The following NCKAP5L variants were observed in gnomAD, a reference collection of about 807,000 sequenced individuals.
NCKAP5L encodes the protein NCK associated protein 5 like.
NCKAP5L carries 54 observed loss-of-function variants against 103.2 expected under a neutral mutation model. The observed-to-expected ratio is 0.52, with a 90% CI of 0.42 to 0.66. The LOEUF (loss-of-function observed/expected upper bound fraction) is 0.66, where lower values mean the gene tolerates loss of function less well. Among genes scored for constraint, NCKAP5L ranks in the 30% least tolerant of loss-of-function variants. The pLI is 0.00. For synonymous variants in NCKAP5L, 762 were observed against 748.6 expected, an observed-to-expected ratio of 1.02 and a Z score of -0.29; for missense variants, 1,733 against 1,750.6, an observed-to-expected ratio of 0.99 and a Z score of 0.18.
chr12:49,817,411 A>G lies in NCKAP5L; in HGVS notation c.-99+10911T>C, dbSNP rs528396539. Among the ~76,000 whole-genome samples the G allele has an allele frequency of 1.6e-3, 240 of 152,332 alleles. 2 individuals carry two copies. The highest frequency in any genetic ancestry group is 5.5e-3 in the African/African-American group (227 of 41,582). Reference sequence around the variant, plus strand: ...TAGAGGTTAAAATCCTCTTATTTCTAGAATATAGGAATTGAACCTACCCCT... The same window carrying G: ...TAGAGGTTAAAATCCTCTTATTTCTGGAATATAGGAATTGAACCTACCCCT... On this transcript the variant is annotated intron_variant, in intron 1 of 12. Coordinates refer to ENST00000335999, the MANE Select transcript of NCKAP5L (RefSeq NM_001037806.4).
In NCKAP5L at chr12:49,795,036, C is replaced by G. The variant is rs375222883; in HGVS notation, c.2824G>C (p.Glu942Gln). 11 of 1,609,674 alleles carry G rather than the reference C, an allele frequency of 6.8e-6. No homozygotes were observed. In the African/African-American group the frequency reaches 1.5e-4, roughly 22 times the overall value. ...AGCGGGGAGCCCCCGCCAGCCCCCT[C>G]CTTGTTCTTGGTGGCCTCTGTGCGG... ...NRRTEATKNK[E>Q]GAGGGSPLRR... The change falls in exon 8 of 13, where the codon GAG (glutamate) becomes CAG (glutamine). Residue 942 changes from glutamate (E) to glutamine (Q), a missense_variant. Glu to Gln is a conservative substitution (Grantham distance 29, BLOSUM62 2). Transcript: ENST00000335999.
rs752259539 is a variant in NCKAP5L, at chr12:49,795,908, C to T, written c.1952G>A (p.Arg651Gln). The part of the protein sequence containing the change: ...SSKKPSQGSG[R>Q]RPGDPGSTPL... The stretch of plus-strand genomic sequence containing the variant: ...TGTGCTGCCAGGATCCCCAGGTCGC[C>T]GTCCTGACCCCTGGCTGGGCTTCTT... Residue 651 changes from arginine to glutamine, a missense_variant, in exon 8 of 13, where the codon CGG becomes CAG. By Grantham distance (43) the Arg-to-Gln change is conservative. Coordinates refer to ENST00000335999, the MANE Select transcript of NCKAP5L (RefSeq NM_001037806.4). 13 of 1,528,668 alleles carry T rather than the reference C, an allele frequency of 8.5e-6. 1 individual carries two copies. Among genetic ancestry groups the T allele is most frequent in the East Asian group, 6.9e-5 (3 of 43,290 alleles). 94.7% of individuals were successfully genotyped at this position (1,528,668 alleles called of 1,614,324 possible).
At position 49,796,793 on chromosome 12, in the gene NCKAP5L, C is replaced by G; in HGVS notation, c.1067G>C (p.Gly356Ala). 1 of 1,613,672 alleles carries G rather than the reference C, an allele frequency of 6.2e-7. No individual in the cohort carries two copies. The highest frequency in any genetic ancestry group is 8.5e-7 in the Non-Finnish European group (1 of 1,179,836). The change falls in exon 8 of 13, where the codon GGT (glycine) becomes GCT (alanine). Residue 356 changes from glycine (G) to alanine (A), a missense_variant. Coordinates refer to ENST00000335999, the MANE Select transcript of NCKAP5L (RefSeq NM_001037806.4). ...GTCTGGGGAGGATGACTGCCCAGGA[C>G]CTGGGTGGTCCCCATTGAGTGGGCC... ...AAGPLNGDHP[G>A]PGQSSSPDQA...
chr12:49,801,685 G>A (rs73309064), intron 6 of NCKAP5L, among the ~76,000 whole-genome samples, 163 bp downstream of exon 6: 2 of 152,078 alleles, frequency 1.3e-5, no homozygotes, highest in Non-Finnish European at 1.5e-5. Context: ...AGGAGGGAAC[G>A]GCCAAACCCA....
chr12:49,817,336 T>C (rs544342949), intron 1 of NCKAP5L, among the ~76,000 whole-genome samples: 1 of 152,020 alleles, frequency 6.6e-6, no homozygotes, highest in Non-Finnish European at 1.5e-5. Flanking sequence ...AGACCCCAAA[T>C]AGCCAAAGCA....
chr12:49,795,620 G>A lies in NCKAP5L; in HGVS notation c.2240C>T (p.Pro747Leu), dbSNP rs752031136. The change falls in exon 8 of 13, where the codon CCC (proline) becomes CTC (leucine). Residue 747 changes from proline to leucine, a missense_variant. Transcript: ENST00000335999. ...GTGAGAGGAGTAGACTCGGGCCCCGGGATCCCCCATAAGTCCAGGTTCCTG... is the reference window on the plus strand; with the variant it reads ...GTGAGAGGAGTAGACTCGGGCCCCGAGATCCCCCATAAGTCCAGGTTCCTG... ...KQQEPGLMGD[P>L]GARVYSSHSM... 1.9e-6 allele frequency: 3 copies of A among 1,603,712 alleles called. No homozygotes were observed. The highest frequency in any genetic ancestry group is 3.4e-5 in the Admixed American group (2 of 58,288).
rs747816564 is a variant in NCKAP5L, at chr12:49,795,721, G to A, written c.2139C>T (p.His713=). 3.1e-6 allele frequency: 5 copies of A among 1,608,090 alleles called. No individual in the cohort carries two copies. In the Admixed American group the frequency reaches 6.8e-5, roughly 22 times the overall value. ...ESAGDMVPSI[H]RPLEQLEAKG... is the part of the protein sequence containing the mutation. ...TGGCTTCTAGCTGCTCCAGTGGCCTGTGGATGGAGGGCACCATGTCTCCAG... is the reference window on the plus strand; with the variant it reads ...TGGCTTCTAGCTGCTCCAGTGGCCTATGGATGGAGGGCACCATGTCTCCAG... Residue 713 remains histidine, a synonymous_variant, in exon 8 of 13, where the codon CAC becomes CAT. Transcript: ENST00000335999.
intron 1 of NCKAP5L, among the ~76,000 whole-genome samples, chr12:49,807,798 C>T (rs1330373704): frequency 2.6e-5 from 4 of 152,186 alleles, no homozygotes; most frequent in Admixed American, 2.0e-4. Context: ...ACCTGCCCAT[C>T]GGTCCCCAGC....
chr12:49,795,587 C>T lies in NCKAP5L; in HGVS notation c.2273G>A (p.Gly758Glu). Residue 758 changes from glycine to glutamate, a missense_variant, in exon 8 of 13, where the codon GGG (glycine) becomes GAG (glutamate). By Grantham distance (98) the Gly-to-Glu change is moderately conservative. Transcript: ENST00000335999. Reference protein sequence around the residue: ...GARVYSSHSMGARVDLEPVSP... With the variant: ...GARVYSSHSMEARVDLEPVSP... ...GACAGGCTCCAGGTCCACCCGGGCC[C>T]CCATGGAGTGAGAGGAGTAGACTCG... 2.5e-6 allele frequency: 4 copies of T among 1,569,192 alleles called. No homozygotes were observed. Among genetic ancestry groups the T allele is most frequent in the Non-Finnish European group, 2.6e-6 (3 of 1,159,254 alleles).
At chr12:49,803,523 G>A (rs1172630383) in intron 3 of NCKAP5L, among the ~76,000 whole-genome samples, 4 of 152,124 alleles carry the variant, frequency 2.6e-5, no homozygotes, top group African/African-American at 9.7e-5. Context: ...TGTTAAGAAT[G>A]TGGTGAGGGG....
intron 1 of NCKAP5L, among the ~76,000 whole-genome samples, chr12:49,820,312 CCTT>C (rs1946346816): frequency 6.9e-6 from 1 of 145,494 alleles, no homozygotes; most frequent in Admixed American, 6.8e-5. Flanking sequence ...TATCTCCTGG[CCTT>C]TTTTTTTTTT....
At position 49,792,666 on chromosome 12, in the gene NCKAP5L, C is replaced by A. The variant is rs780358698; in HGVS notation, c.3649+12G>T. On this transcript the variant is annotated intron_variant, in intron 11 of 12. Coordinates refer to ENST00000335999, the MANE Select transcript of NCKAP5L (RefSeq NM_001037806.4). This position sits in a 1 kb window ranked among gnomAD's most constrained non-coding sequence, Gnocchi z 4.5. ...GCCCAGGGGCATCCCACCCTCCCAC[C>A]TGGACACTCACCATCAGGACAGGTC... 6.2e-7 allele frequency: 1 copy of A among 1,613,052 alleles called. No homozygotes were observed. Among genetic ancestry groups the A allele is most frequent in the East Asian group, 2.2e-5 (1 of 44,828 alleles).
intron 1 of NCKAP5L, among the ~76,000 whole-genome samples, chr12:49,818,511 C>T (rs1762698623): frequency 6.6e-6 from 1 of 152,136 alleles, no homozygotes; most frequent in South Asian, 2.1e-4. Flanking sequence ...GCATGCATCA[C>T]CACGCCCAAC....
chr12:49,827,912 C>G (rs1260356761), intron 1 of NCKAP5L, among the ~76,000 whole-genome samples: 5 of 152,244 alleles, frequency 3.3e-5, no homozygotes, highest in African/African-American at 4.8e-5. Flanking sequence ...CCCGCAATAA[C>G]CCGGCACCGC....
In NCKAP5L at chr12:49,796,048, G is replaced by A. The variant is rs763483000; in HGVS notation, c.1812C>T (p.Pro604=). Residue 604 remains proline, a synonymous_variant, in exon 8 of 13, where the codon CCC becomes CCT. Coordinates refer to ENST00000335999, the MANE Select transcript of NCKAP5L (RefSeq NM_001037806.4). ...APEVLRSPGV[P]PSPCLPESYP... is the part of the protein sequence containing the mutation. ...ACGATTCTGGGAGGCAAGGACTGGGGGGTACTCCAGGGCTTCTGAGGACCT... is the reference window on the plus strand; with the variant it reads ...ACGATTCTGGGAGGCAAGGACTGGGAGGTACTCCAGGGCTTCTGAGGACCT... 14 of 1,570,228 alleles carry A rather than the reference G, an allele frequency of 8.9e-6. No homozygotes were observed. The highest frequency in any genetic ancestry group is 1.4e-5 in the African/African-American group (1 of 73,364).
chr12:49,818,694 T>G (rs1274478031), intron 1 of NCKAP5L, among the ~76,000 whole-genome samples: 1 of 151,988 alleles, frequency 6.6e-6, no homozygotes, highest in Non-Finnish European at 1.5e-5. Flanking sequence ...AAATGGCCAG[T>G]GGGTATACGA....
intron 1 of NCKAP5L, among the ~76,000 whole-genome samples, chr12:49,813,586 G>C (rs1946264228): frequency 6.6e-6 from 1 of 152,074 alleles, no homozygotes; most frequent in Non-Finnish European, 1.5e-5. Flanking sequence ...GAAGTGCAGT[G>C]GCGCGATTTC....
chr12:49,792,792 C>T lies in NCKAP5L; in HGVS notation c.3535G>A (p.Glu1179Lys). 1 of 1,605,216 alleles carries T rather than the reference C, an allele frequency of 6.2e-7. No homozygotes were observed. Among genetic ancestry groups the T allele is most frequent in the Non-Finnish European group, 8.5e-7 (1 of 1,177,512 alleles). The change falls in exon 11 of 13, where the codon GAG (glutamate) becomes AAG (lysine). Residue 1179 changes from glutamate to lysine, a missense_variant. Transcript: ENST00000335999. The surrounding 1 kb of genome is among the most constrained non-coding windows in gnomAD (Gnocchi z 4.5). ...AGCAGCTCCTCTATGCCTGGCACCT[C>T]CCGCTCCAGTGTGTGGGCGCGGCGG... ...VPRRAHTLER[E>K]VPGIEELLVS...
At chr12:49,813,056 T>A (rs1000498801) in intron 1 of NCKAP5L, among the ~76,000 whole-genome samples, 1 of 152,198 alleles carries the variant, frequency 6.6e-6, no homozygotes, top group Non-Finnish European at 1.5e-5. Flanking sequence ...TTTTAATTGA[T>A]TTTTCCCCCA....
Sources: gnomAD v4.1 joint callset for allele counts (sites outside exome capture counted in the v4.1 genomes callset) on GRCh38, gnomAD v4.1.1 for gene constraint, Gnocchi (gnomAD v3.1) non-coding constraint, MANE v1.5 for transcripts, NCBI Gene and HGNC (gene_info 2026-07-23, HGNC 2026-07-21) for gene names.